Variants in DACH1 observed in about 807,000 individuals in gnomAD.
DACH1 encodes dachshund homolog 1.
In DACH1, 12 loss-of-function variants were observed where a neutral mutation model predicts 54.2. The observed-to-expected ratio is 0.22, with a 90% CI of 0.14 to 0.36. DACH1 has a LOEUF of 0.36. Among genes scored for constraint, DACH1 ranks in the 10% least tolerant of loss-of-function variants. The pLI, the probability that DACH1 is intolerant of heterozygous loss-of-function variation, is 1.00. For synonymous variants in DACH1, 386 were observed against 366.2 expected, an observed-to-expected ratio of 1.05 and a Z score of -0.62; for missense variants, 805 against 929.8, an observed-to-expected ratio of 0.87 and a Z score of 1.75.
intron 1 of DACH1, among the ~76,000 whole-genome samples, chr13:71,781,621 G>A (rs1346574925): frequency 3.3e-5 from 5 of 151,906 alleles, no homozygotes; most frequent in East Asian, 3.9e-4. Flanking sequence ...CTCGTGATCC[G>A]CCCGCCTCGG....
intron 6 of DACH1, among the ~76,000 whole-genome samples, chr13:71,506,400 T>C (rs546190390): frequency 1.0e-3 from 154 of 150,644 alleles, no homozygotes; most frequent in African/African-American, 3.5e-3. Flanking sequence ...GGTTTTTTGT[T>C]CTTGCGATAG....
At chr13:71,591,815 T>C (rs1873732210) in intron 3 of DACH1, among the ~76,000 whole-genome samples, 1 of 152,024 alleles carries the variant, frequency 6.6e-6, no homozygotes, top group Admixed American at 6.6e-5. Context: ...ATTTACTAAA[T>C]CAAATACTGC....
chr13:71,691,953 T>C (rs955288322), intron 1 of DACH1, among the ~76,000 whole-genome samples: 1 of 150,076 alleles, frequency 6.7e-6, no homozygotes, highest in African/African-American at 2.5e-5. Context: ...GTTTGTCAAC[T>C]GAAGGAGAGG....
At chr13:71,571,676 A>G (rs1309296329) in intron 4 of DACH1, among the ~76,000 whole-genome samples, 1 of 151,464 alleles carries the variant, frequency 6.6e-6, no homozygotes, top group Non-Finnish European at 1.5e-5. Flanking sequence ...CATTAATATA[A>G]GAACAATTCC....
intron 2 of DACH1, among the ~76,000 whole-genome samples, chr13:71,668,890 A>G (rs1594074683): frequency 6.6e-6 from 1 of 152,248 alleles, no homozygotes; most frequent in Admixed American, 6.5e-5. Context: ...GCACCACTGC[A>G]CTCCAGCCTG....
At chr13:71,633,211 C>A (rs530177712) in intron 2 of DACH1, among the ~76,000 whole-genome samples, 9 of 152,232 alleles carry the variant, frequency 5.9e-5, no homozygotes, top group Middle Eastern at 3.4e-3. Context: ...GGCCTTGGAC[C>A]AACCATCCAA....
At chr13:71,721,807 A>G (rs1323258416) in intron 1 of DACH1, among the ~76,000 whole-genome samples, 1 of 152,146 alleles carries the variant, frequency 6.6e-6, no homozygotes, top group African/African-American at 2.4e-5. Context: ...ATATCCATTT[A>G]AAAAATAAGA....
At chr13:71,844,779 TA>T (rs1594292266) in intron 1 of DACH1, among the ~76,000 whole-genome samples, 1 of 151,928 alleles carries the variant, frequency 6.6e-6, no homozygotes. Context: ...TATTCAGCCA[TA>T]AAAAAGAATG....
intron 10 of DACH1, among the ~76,000 whole-genome samples, chr13:71,472,234 A>G (rs1395772669): frequency 1.3e-5 from 2 of 152,240 alleles, no homozygotes; most frequent in African/African-American, 4.8e-5. Context: ...TACCCTGCGT[A>G]CTATGAGCTG....
rs1877410876 is a variant in DACH1, at chr13:71,475,216, G to C, written c.2015-7C>G. The C allele has an allele frequency of 1.2e-6, 2 of 1,612,436 alleles. No individual in the cohort carries two copies. The highest frequency in any genetic ancestry group is 2.2e-5 in the South Asian group (2 of 91,038). On this transcript the variant is annotated splice_region_variant and splice_polypyrimidine_tract_variant and intron_variant, in intron 9 of 10. Transcript: ENST00000613252. ...ATCTCTGGGGTCAGAGAGTCTAAAA[G>C]CACAGAAAGGTAAGAGTGACACATA...
At chr13:71,638,828 C>T (rs1452149549) in intron 2 of DACH1, among the ~76,000 whole-genome samples, 1 of 152,156 alleles carries the variant, frequency 6.6e-6, no homozygotes, top group African/African-American at 2.4e-5. Flanking sequence ...AAGTGGCATA[C>T]AGAGAAACTT....
intron 1 of DACH1, among the ~76,000 whole-genome samples, chr13:71,684,606 A>AT: frequency 6.6e-6 from 1 of 152,100 alleles, no homozygotes; most frequent in Non-Finnish European, 1.5e-5. Context: ...TCTAGTTAGT[A>AT]TTTTTTCTGT....
chr13:71,848,247 C>A (rs36097547), intron 1 of DACH1, among the ~76,000 whole-genome samples: 1 of 152,086 alleles, frequency 6.6e-6, no homozygotes, highest in South Asian at 2.1e-4. Context: ...TATGCTATGA[C>A]TATGTTTGTC....
At chr13:71,644,115 A>G (rs1192183530) in intron 2 of DACH1, among the ~76,000 whole-genome samples, 1 of 152,140 alleles carries the variant, frequency 6.6e-6, no homozygotes, top group Non-Finnish European at 1.5e-5. Flanking sequence ...AGCACAACAT[A>G]ATGCCTTATA....
At chr13:71,787,680 C>T (rs1378329409) in intron 1 of DACH1, among the ~76,000 whole-genome samples, 2 of 152,166 alleles carry the variant, frequency 1.3e-5, no homozygotes, top group Admixed American at 6.5e-5. Context: ...TCAAATTTAG[C>T]ACGCACCCCT....
At chr13:71,653,614 T>C (rs1278933871) in intron 2 of DACH1, among the ~76,000 whole-genome samples, 7 of 152,162 alleles carry the variant, frequency 4.6e-5, no homozygotes, top group Middle Eastern at 3.2e-3. Context: ...CTTCCTGATG[T>C]ACCAAAAATA....
chr13:71,565,223 A>C (rs1884831686), intron 4 of DACH1, among the ~76,000 whole-genome samples: 1 of 150,698 alleles, frequency 6.6e-6, no homozygotes, highest in African/African-American at 2.5e-5. Context: ...TTATCTTCAT[A>C]TAACTTTTAA....
At chr13:71,552,450 T>C (rs945267197) in intron 6 of DACH1, among the ~76,000 whole-genome samples, 1 of 151,920 alleles carries the variant, frequency 6.6e-6, no homozygotes, top group Admixed American at 6.6e-5. Context: ...ATAACAAAAA[T>C]GTACATATTG....
intron 3 of DACH1, among the ~76,000 whole-genome samples, chr13:71,580,678 G>A (rs1050684353): frequency 6.6e-6 from 1 of 152,096 alleles, no homozygotes. Flanking sequence ...TATTTTATAT[G>A]TATGGATTTA....
Sources: gnomAD v4.1 joint callset for allele counts (sites outside exome capture counted in the v4.1 genomes callset) on GRCh38, gnomAD v4.1.1 for gene constraint, MANE v1.5 for transcripts, NCBI Gene and HGNC (gene_info 2026-07-23, HGNC 2026-07-21) for gene names.